Variants in PKLR observed in about 807,000 individuals in gnomAD.
PKLR encodes the protein pyruvate kinase PKLR.
In PKLR, 38 loss-of-function variants were observed where a neutral mutation model predicts 53.6. The ratio of observed to expected loss-of-function variants is 0.71; its 90% CI spans 0.55 to 0.93. PKLR has a LOEUF of 0.93. Ranked by LOEUF, PKLR falls within the 40% of genes least tolerant of loss-of-function variation. The pLI, the probability that PKLR is intolerant of heterozygous loss-of-function variation, is 0.00. For missense variants in PKLR, 702 were observed against 787.3 expected (o/e 0.89, Z 1.30); for synonymous variants, 328 against 316.2 (o/e 1.04, Z -0.39).
intron 9 of PKLR, among the ~76,000 whole-genome samples, 189 bp from the exon 10 acceptor site, chr1:155,292,126 C>T (rs772219533): frequency 2.6e-5 from 4 of 151,690 alleles, no homozygotes; most frequent in Non-Finnish European, 5.9e-5. Context: ...AGGCCGGGAG[C>T]GGTGGCTCAT....
upstream of PKLR, among the ~76,000 whole-genome samples, chr1:155,302,891 G>A (rs1005482823): frequency 2.0e-5 from 3 of 151,876 alleles, no homozygotes; most frequent in African/African-American, 7.3e-5. Flanking sequence ...TTCCACAGGT[G>A]CTGACTTTTT....
chr1:155,295,843 T>TGTGG lies in PKLR; in HGVS notation c.284-88_284-87insCCAC. On this transcript the variant is annotated intron_variant, in intron 2 of 10. Transcript: ENST00000342741. The surrounding 1 kb of genome is among the most constrained non-coding windows in gnomAD (Gnocchi z 4.3). ...AACCCATTACCATTCTCAGAACGCC[T>TGTGG]CACGCCACAGGCGTCCTGTTACCTG... The TGTGG allele has an allele frequency of 1.8e-6, 2 of 1,141,442 alleles. No homozygotes were observed. The highest frequency in any genetic ancestry group is 2.6e-6 in the Non-Finnish European group (2 of 756,696). The allele number at this position is 1,141,442 out of a possible 1,614,324, so 70.7% of individuals were successfully genotyped here.
At position 155,293,089 on chromosome 1, in the gene PKLR, G is replaced by A. The variant is rs1270092967; in HGVS notation, c.1436+88C>T. The stretch of plus-strand genomic sequence containing the variant: ...TCTCAGGTGGACACTCTTCACCCCT[G>A]GTGACCAGACTAAACCCAAGCCTGG... On this transcript the variant is annotated intron_variant, in intron 9 of 10. Transcript: ENST00000342741. The surrounding 1 kb of genome is among the most constrained non-coding windows in gnomAD (Gnocchi z 4.2). The A allele has an allele frequency of 8.0e-6, 11 of 1,372,758 alleles. No individual in the cohort carries two copies. The highest frequency in any genetic ancestry group is 2.9e-5 in the African/African-American group (2 of 70,122). 85.0% of individuals were successfully genotyped at this position (1,372,758 alleles called of 1,614,324 possible).
chr1:155,300,679 G>C (rs1432800616), intron 1 of PKLR, among the ~76,000 whole-genome samples: 1 of 151,852 alleles, frequency 6.6e-6, no homozygotes, highest in Non-Finnish European at 1.5e-5. Flanking sequence ...CTAGTCCCCA[G>C]CAGCCTCACC....
At chr1:155,308,608 A>G in the PKLR span, 14 of 985,360 alleles carry the variant, frequency 1.4e-5, no homozygotes, top group Non-Finnish European at 1.7e-5. Flanking sequence ...CAGGCAGCCA[A>G]AGCCACAGCG....
At chr1:155,308,418 G>T in the PKLR span, 1 of 329,230 alleles carries the variant, frequency 3.0e-6, no homozygotes, top group Non-Finnish European at 4.3e-6. Context: ...ATTACCTCAT[G>T]GTATTACCAC....
upstream of PKLR, among the ~76,000 whole-genome samples, chr1:155,302,136 C>T (rs913833309): frequency 1.3e-5 from 2 of 151,332 alleles, no homozygotes; most frequent in Non-Finnish European, 2.9e-5. Context: ...CAGTTCATTG[C>T]AACCTCTGCG....
chr1:155,304,615 C>T (rs1407261711), upstream of PKLR, among the ~76,000 whole-genome samples: 2 of 151,962 alleles, frequency 1.3e-5, no homozygotes, highest in Non-Finnish European at 2.9e-5. Flanking sequence ...GCAAAACAGC[C>T]GTGGAGAGGG....
chr1:155,300,338 C>T (rs1161329307), intron 1 of PKLR, 58 bp from the exon 2 acceptor site: 11 of 1,382,128 alleles, frequency 8.0e-6, no homozygotes, highest in South Asian at 2.5e-5. Context: ...CCCATGCCTT[C>T]GTCTCTCAGC....
chr1:155,305,654 G>T (rs982121964), upstream of PKLR, among the ~76,000 whole-genome samples: 1 of 152,124 alleles, frequency 6.6e-6, no homozygotes, highest in African/African-American at 2.4e-5. Context: ...TTTTGATACA[G>T]GGCCTTCCTC....
chr1:155,295,905 A>G lies in PKLR; in HGVS notation c.284-149T>C, dbSNP rs1315806025. ...CTGATGCAACCCCTGCCCACAGATC[A>G]CAGACTCCCCTTCCCTCTCAAGCCA... On this transcript the variant is annotated intron_variant, in intron 2 of 10. Transcript: ENST00000342741. This position sits in a 1 kb window ranked among gnomAD's most constrained non-coding sequence, Gnocchi z 4.3. The G allele has an allele frequency of 1.4e-6, 1 of 728,990 alleles. No homozygotes were observed. 45.2% of individuals were successfully genotyped at this position (728,990 alleles called of 1,614,324 possible).
At position 155,294,637 on chromosome 1, in the gene PKLR, T is replaced by G; in HGVS notation, c.810A>C (p.Arg270=). ...DLPGLSEQDV[R]DLRFGVEHGV... ...CATGCTCCACCCCGAAGCGCAGGTCTCGGACGTCCTGCTCGGACAGCCCGG... is the reference window on the plus strand; with the variant it reads ...CATGCTCCACCCCGAAGCGCAGGTCGCGGACGTCCTGCTCGGACAGCCCGG... Residue 270 remains arginine, a synonymous_variant, in exon 6 of 11, where the codon CGA becomes CGC. Coordinates refer to ENST00000342741, the MANE Select transcript of PKLR (RefSeq NM_000298.6). 1 of 1,614,194 alleles carries G rather than the reference T, an allele frequency of 6.2e-7. No homozygotes were observed. Among genetic ancestry groups the G allele is most frequent in the South Asian group, 1.1e-5 (1 of 91,084 alleles).
At chr1:155,294,170 G>A (rs1456633043) in intron 7 of PKLR, 65 bp downstream of exon 7, 2 of 1,522,228 alleles carry the variant, frequency 1.3e-6, no homozygotes, top group African/African-American at 1.4e-5. Context: ...CCTACAGTGT[G>A]GGTATTCACC....
chr1:155,294,088 G>T, intron 7 of PKLR, 147 bp downstream of exon 7: 1 of 887,414 alleles, frequency 1.1e-6, no homozygotes, highest in Non-Finnish European at 1.8e-6. Context: ...AGCGGAGATT[G>T]CGCCACTGCA....
chr1:155,290,267 C>A lies in PKLR; in HGVS notation c.*305G>T. On this transcript the variant is annotated 3_prime_UTR_variant, in exon 11 of 11. Transcript: ENST00000342741. ...ACCAGCCAAACTGGGATTAAAGACT[C>A]AAGGCATCTTAGGGCCTGCTGAGCA... 1 of 426,658 alleles carries A rather than the reference C, an allele frequency of 2.3e-6. No homozygotes were observed. Among genetic ancestry groups the A allele is most frequent in the Non-Finnish European group, 4.3e-6 (1 of 231,068 alleles). 26.4% of individuals were successfully genotyped at this position (426,658 alleles called of 1,614,324 possible).
intron 2 of PKLR, among the ~76,000 whole-genome samples, chr1:155,299,620 C>T (rs567425709): frequency 4.7e-5 from 7 of 149,608 alleles, no homozygotes; most frequent in Non-Finnish European, 1.0e-4. Flanking sequence ...GATTCTCCTG[C>T]CTCAGCCTCC....
the PKLR span, among the ~76,000 whole-genome samples, chr1:155,307,192 C>T: frequency 6.6e-6 from 1 of 152,328 alleles, no homozygotes; most frequent in Middle Eastern, 3.4e-3. Context: ...GGATTACAGG[C>T]GTGAGCCACT....
intron 2 of PKLR, among the ~76,000 whole-genome samples, chr1:155,296,374 C>T (rs777119740): frequency 2.3e-4 from 35 of 151,694 alleles, no homozygotes; most frequent in Admixed American, 2.0e-4. Context: ...GGGAGTTTCA[C>T]TCTTGTCGCC....
chr1:155,307,411 T>A, the PKLR span, among the ~76,000 whole-genome samples: 1 of 152,244 alleles, frequency 6.6e-6, no homozygotes, highest in Non-Finnish European at 1.5e-5. Flanking sequence ...TGAGACCTAC[T>A]GGACTGCATT....
Sources: gnomAD v4.1 joint callset for allele counts (sites outside exome capture counted in the v4.1 genomes callset) on GRCh38, gnomAD v4.1.1 for gene constraint, Gnocchi (gnomAD v3.1) non-coding constraint, MANE v1.5 for transcripts, NCBI Gene and HGNC (gene_info 2026-07-23, HGNC 2026-07-21) for gene names.